THSD4: variants seen among roughly 807,000 people sequenced by gnomAD.
THSD4 encodes thrombospondin type-1 domain-containing protein 4.
A neutral mutation model predicts 119.0 loss-of-function variants in THSD4; 69 were observed. The ratio of observed to expected loss-of-function variants is 0.58; its 90% confidence interval spans 0.48 to 0.71. THSD4 has a LOEUF of 0.71. THSD4 is among the 30% of genes least tolerant of loss of function. The pLI is 0.00. For synonymous variants in THSD4, 524 were observed against 540.4 expected (o/e 0.97, Z 0.42); for missense variants, 1,393 against 1,391.1 (o/e 1.00, Z -0.02).
chr15:71,774,297 T>A (rs1194444254), intron 17 of THSD4, among the ~76,000 whole-genome samples: 1 of 118,344 alleles, frequency 8.4e-6, no homozygotes, highest in East Asian at 2.2e-4. Context: ...AGTGACAGAG[T>A]GAGACTCTGT....
Position 71,615,835 on chromosome 15 carries a change from G to A in THSD4, c.1153-44695G>A, listed in dbSNP as rs374893401. Among the ~76,000 whole-genome samples the A allele has an allele frequency of 1.5e-3, 236 of 152,320 alleles. 8 individuals carry two copies. The South Asian group carries it at 0.041, about 27-fold the overall frequency. On this transcript the variant is annotated intron_variant, in intron 7 of 17. Coordinates refer to ENST00000261862, the MANE Select transcript of THSD4 (RefSeq NM_024817.3). Reference sequence around the variant, plus strand: ...TGGGCTTCCCACCAACACTCATTGTGTGCAGGTTGAGCCCAGCACCCCAGG... The same window carrying A: ...TGGGCTTCCCACCAACACTCATTGTATGCAGGTTGAGCCCAGCACCCCAGG...
At chr15:71,574,974 A>G (rs2049422574) in intron 7 of THSD4, among the ~76,000 whole-genome samples, 1 of 152,248 alleles carries the variant, frequency 6.6e-6, no homozygotes, top group East Asian at 1.9e-4. Context: ...CTGTGGAATT[A>G]CCTTTATGCT....
At chr15:71,645,527 T>A (rs2050951815) in intron 7 of THSD4, among the ~76,000 whole-genome samples, 1 of 152,116 alleles carries the variant, frequency 6.6e-6, no homozygotes, top group Admixed American at 6.5e-5. Flanking sequence ...AACCATATCA[T>A]GAGGAAATCC....
intron 7 of THSD4, among the ~76,000 whole-genome samples, chr15:71,468,731 C>T (rs927262329): frequency 6.6e-6 from 1 of 152,228 alleles, no homozygotes; most frequent in African/African-American, 2.4e-5. Flanking sequence ...ACTGGACCCT[C>T]TTCTGTCTTA....
intron 7 of THSD4, among the ~76,000 whole-genome samples, chr15:71,484,413 A>T (rs1411245951): frequency 6.6e-6 from 1 of 152,228 alleles, no homozygotes; most frequent in Non-Finnish European, 1.5e-5. Flanking sequence ...TTATTATTCC[A>T]AACTTAAATT....
intron 1 of THSD4, among the ~76,000 whole-genome samples, chr15:71,106,461 C>T (rs558271177): frequency 2.5e-4 from 38 of 152,190 alleles, no homozygotes; most frequent in African/African-American, 8.7e-4. Context: ...TCAGATTTTC[C>T]TGATTCTGGC....
At chr15:71,476,262 C>T (rs895514498) in intron 7 of THSD4, among the ~76,000 whole-genome samples, 3 of 152,126 alleles carry the variant, frequency 2.0e-5, no homozygotes, top group African/African-American at 4.8e-5. Context: ...GGCAGAGTCT[C>T]GTGCTATCAC....
chr15:71,736,675 CCT>C (rs1035144176), intron 10 of THSD4, among the ~76,000 whole-genome samples: 6 of 152,026 alleles, frequency 3.9e-5, no homozygotes, highest in Admixed American at 1.3e-4. Context: ...GTCTCTCTCT[CCT>C]CTCTCTCTTT....
At chr15:71,201,356 G>T (rs910061271) in intron 3 of THSD4, among the ~76,000 whole-genome samples, 1 of 152,158 alleles carries the variant, frequency 6.6e-6, no homozygotes, top group Non-Finnish European at 1.5e-5. Flanking sequence ...CAGGCTCAGG[G>T]TGTGGATTAA....
chr15:71,535,127 C>T (rs2048671344), intron 7 of THSD4, among the ~76,000 whole-genome samples: 1 of 152,164 alleles, frequency 6.6e-6, no homozygotes, highest in Non-Finnish European at 1.5e-5. Flanking sequence ...AGCAGTCACT[C>T]CCTATTTCCG....
Position 71,502,659 on chromosome 15 carries a change from T to C in THSD4, c.1152+90836T>C, listed in dbSNP as rs115189247. Among the ~76,000 whole-genome samples, 1,221 of 152,260 alleles carry C rather than the reference T, an allele frequency of 8.0e-3. 20 individuals are homozygous for C. Among genetic ancestry groups the C allele is most frequent in the African/African-American group, 0.028 (1,158 of 41,546 alleles). ...ACATAAAAGACGCAAAACAGTTGAC[T>C]TGAAAAATAACATATCAGATCATAA... is the stretch of plus-strand genomic sequence containing the variant. On this transcript the variant is annotated intron_variant, in intron 7 of 17. Coordinates refer to ENST00000261862, the MANE Select transcript of THSD4 (RefSeq NM_024817.3).
chr15:71,560,970 C>CATTTTTTTTT (rs200892599), intron 7 of THSD4, among the ~76,000 whole-genome samples: 1 of 123,990 alleles, frequency 8.1e-6, no homozygotes. Context: ...TTCTCTTTAT[C>CATTTTTTTTT]TTTTTTTTTT....
chr15:71,273,976 C>T (rs1420744283), intron 6 of THSD4, among the ~76,000 whole-genome samples: 1 of 152,198 alleles, frequency 6.6e-6, no homozygotes. Context: ...TAGTGTGCTG[C>T]TGCTGCAATG....
chr15:71,244,282 G>T (rs569629428), intron 5 of THSD4, among the ~76,000 whole-genome samples: 47 of 152,252 alleles, frequency 3.1e-4, no homozygotes, highest in Non-Finnish European at 6.5e-4. Context: ...TAAAGACTGC[G>T]TATTAAAGAG....
At chr15:71,520,482 G>A (rs889917166) in intron 7 of THSD4, among the ~76,000 whole-genome samples, 5 of 152,188 alleles carry the variant, frequency 3.3e-5, no homozygotes, top group East Asian at 1.9e-4. Flanking sequence ...AGCTTGTGGG[G>A]CAAGAAGAGT....
chr15:71,561,398 T>C (rs919852425), intron 7 of THSD4, among the ~76,000 whole-genome samples: 3 of 152,206 alleles, frequency 2.0e-5, no homozygotes, highest in Non-Finnish European at 4.4e-5. Context: ...ATCACCATTA[T>C]TAAAAAATTG....
chr15:71,741,109 T>C (rs1390019857), intron 11 of THSD4, among the ~76,000 whole-genome samples: 1 of 152,216 alleles, frequency 6.6e-6, no homozygotes, highest in Non-Finnish European at 1.5e-5. Context: ...ATTTTACATC[T>C]TTATTGTATC....
intron 8 of THSD4, among the ~76,000 whole-genome samples, chr15:71,682,860 C>T (rs2051814827): frequency 1.7e-4 from 3 of 17,752 alleles, no homozygotes; most frequent in Non-Finnish European, 2.6e-4. Context: ...TTGCTACTTT[C>T]TTTCTTTCTT....
upstream of THSD4, chr15:71,111,572 T>G: frequency 1.6e-6 from 1 of 644,506 alleles, no homozygotes. Flanking sequence ...CCTTATTTTC[T>G]TATTATTTGC....
Sources: allele counts gnomAD v4.1 joint callset (sites outside exome capture counted in the v4.1 genomes callset), GRCh38; gene constraint gnomAD v4.1.1; transcripts MANE v1.5; gene names NCBI Gene and HGNC (gene_info 2026-07-23, HGNC 2026-07-21).